TMEM132B: variants seen among roughly 807,000 people sequenced by gnomAD.
TMEM132B encodes the protein transmembrane protein 132B.
Under a neutral mutation model 90.8 loss-of-function variants are expected in TMEM132B, and 18 were observed. The observed-to-expected ratio is 0.20, with a 90% CI of 0.14 to 0.29. The LOEUF is 0.29. Among genes scored for constraint, TMEM132B ranks in the 10% least tolerant of loss-of-function variants. The pLI is 1.00. For missense variants in TMEM132B, 1,096 were observed against 1,326.8 expected, an observed-to-expected ratio of 0.83 and a Z score of 2.70; for synonymous variants, 504 against 523.3, an observed-to-expected ratio of 0.96 and a Z score of 0.50.
intron 1 of TMEM132B, among the ~76,000 whole-genome samples, chr12:125,216,650 T>C (rs1321940272): frequency 6.6e-6 from 1 of 152,192 alleles, no homozygotes; most frequent in Non-Finnish European, 1.5e-5. Context: ...GTGGGCAAAT[T>C]GACAGGATGT....
In TMEM132B at chr12:125,467,222, A is replaced by T. The variant is rs147241977; in HGVS notation, c.1106+51545A>T. 3.7e-3 allele frequency among the ~76,000 whole-genome samples: 556 copies of T among 152,308 alleles called. 6 individuals are homozygous for T. The highest frequency in any genetic ancestry group is 0.013 in the African/African-American group (537 of 41,566). On this transcript the variant is annotated intron_variant, in intron 3 of 8. Transcript: ENST00000682704. ...AGAATGGAGACAAGGAAGAGAATAG[A>T]GCTGAGAAATTGAGACACAGATAGA...
chr12:125,216,895 T>A (rs1476912671), intron 1 of TMEM132B, among the ~76,000 whole-genome samples: 1 of 152,160 alleles, frequency 6.6e-6, no homozygotes, highest in Non-Finnish European at 1.5e-5. Flanking sequence ...TCCGCATGCC[T>A]CCTGCGTGGC....
intron 3 of TMEM132B, among the ~76,000 whole-genome samples, chr12:125,468,539 T>C (rs1035074010): frequency 1.3e-5 from 2 of 152,234 alleles, no homozygotes; most frequent in African/African-American, 4.8e-5. Context: ...TTCCCCATAG[T>C]GTATGTGGCT....
At chr12:125,576,966 CTT>C (rs113266697) in intron 4 of TMEM132B, among the ~76,000 whole-genome samples, 9 of 135,956 alleles carry the variant, frequency 6.6e-5, no homozygotes, top group Non-Finnish European at 4.8e-5. Flanking sequence ...TGATGCCTTT[CTT>C]TTTTTTTTTT....
chr12:125,380,040 G>A (rs901594507), intron 2 of TMEM132B, among the ~76,000 whole-genome samples: 3 of 152,240 alleles, frequency 2.0e-5, no homozygotes, highest in Non-Finnish European at 4.4e-5. Context: ...GAGGATGGAT[G>A]CGTTCATTTC....
intron 1 of TMEM132B, among the ~76,000 whole-genome samples, chr12:125,281,601 T>C (rs1387332881): frequency 6.6e-6 from 1 of 152,176 alleles, no homozygotes; most frequent in Non-Finnish European, 1.5e-5. Context: ...CGTAGCGTAA[T>C]ATTGGGCACA....
At chr12:125,620,357 A>G (rs916238649) in intron 5 of TMEM132B, among the ~76,000 whole-genome samples, 2 of 152,238 alleles carry the variant, frequency 1.3e-5, no homozygotes, top group African/African-American at 4.8e-5. Context: ...GCCTTTCCCA[A>G]ACTGTGTGAA....
At chr12:125,339,427 G>T (rs761975578) in intron 1 of TMEM132B, among the ~76,000 whole-genome samples, 1 of 152,130 alleles carries the variant, frequency 6.6e-6, no homozygotes, top group Non-Finnish European at 1.5e-5. Flanking sequence ...TGAACTGGGG[G>T]CTCTTGACCA....
chr12:125,377,622 AATT>A (rs564174500), intron 2 of TMEM132B, among the ~76,000 whole-genome samples: 1 of 152,100 alleles, frequency 6.6e-6, no homozygotes, highest in Non-Finnish European at 1.5e-5. Context: ...TCAGGGATCT[AATT>A]ATTATTATTT....
chr12:125,505,473 T>C (rs2345234), intron 3 of TMEM132B, among the ~76,000 whole-genome samples: 73,340 of 151,448 alleles, frequency 0.48, 18,295 homozygotes, highest in Middle Eastern at 0.67. Context: ...CCAAGCAGGG[T>C]GGATCACTTG....
chr12:125,653,073 T>C (rs926913811), intron 8 of TMEM132B, among the ~76,000 whole-genome samples: 1 of 152,204 alleles, frequency 6.6e-6, no homozygotes, highest in Admixed American at 6.5e-5. Flanking sequence ...CTTCTATAAA[T>C]TATTTCTAAA....
At chr12:125,386,976 C>A (rs975787119) in intron 2 of TMEM132B, among the ~76,000 whole-genome samples, 19 of 152,144 alleles carry the variant, frequency 1.2e-4, no homozygotes, top group Non-Finnish European at 2.5e-4. Context: ...TAGTTAGTCT[C>A]TAAAGGCTGT....
chr12:125,351,519 A>T (rs886927002), intron 2 of TMEM132B, among the ~76,000 whole-genome samples: 1 of 152,248 alleles, frequency 6.6e-6, no homozygotes, highest in Non-Finnish European at 1.5e-5. Flanking sequence ...GACTGAGACA[A>T]CATAAGTATA....
chr12:125,350,392 T>C, intron 2 of TMEM132B, 49 bp downstream of exon 2: 2 of 1,536,112 alleles, frequency 1.3e-6, no homozygotes, highest in Non-Finnish European at 1.7e-6. Flanking sequence ...CTCTTAGTAA[T>C]CAATGAATTG....
intron 2 of TMEM132B, among the ~76,000 whole-genome samples, chr12:125,376,026 GGTTC>G (rs1175206478): frequency 6.6e-6 from 1 of 152,180 alleles, no homozygotes. Flanking sequence ...GTTGAGAGGT[GGTTC>G]CTGCTGCATC....
intron 1 of TMEM132B, among the ~76,000 whole-genome samples, chr12:125,248,417 T>C (rs893903269): frequency 3.3e-5 from 5 of 152,208 alleles, no homozygotes; most frequent in Non-Finnish European, 7.4e-5. Flanking sequence ...ACTTGAGTTA[T>C]TGTAATATTT....
chr12:125,523,616 A>T (rs1047983395), intron 4 of TMEM132B, among the ~76,000 whole-genome samples: 3 of 152,152 alleles, frequency 2.0e-5, no homozygotes, highest in Non-Finnish European at 4.4e-5. Context: ...TTCCTACCAC[A>T]CTTGCTTATG....
intron 1 of TMEM132B, among the ~76,000 whole-genome samples, chr12:125,282,027 CAAAAAAAAAAAAAAA>C (rs869083244): frequency 7.5e-4 from 12 of 16,088 alleles, no homozygotes; most frequent in Non-Finnish European, 1.3e-3. Flanking sequence ...GACTCCGTCT[CAAAAAAAAAAAAAAA>C]AAAAAAAAAA....
At chr12:125,625,254 T>C (rs1185755018) in intron 5 of TMEM132B, among the ~76,000 whole-genome samples, 1 of 150,698 alleles carries the variant, frequency 6.6e-6, no homozygotes, top group Non-Finnish European at 1.5e-5. Flanking sequence ...TGCCTCAGCT[T>C]CCTGAGTAGC....
Sources: allele counts gnomAD v4.1 joint callset (sites outside exome capture counted in the v4.1 genomes callset), GRCh38; gene constraint gnomAD v4.1.1; transcripts MANE v1.5; gene names NCBI Gene and HGNC (gene_info 2026-07-23, HGNC 2026-07-21).